RBM10: variants seen among roughly 807,000 people sequenced by gnomAD.
The protein encoded by RBM10 is RNA-binding protein 10.
In RBM10, 1 loss-of-function variant was observed where a neutral mutation model predicts 84.9. The ratio of observed to expected loss-of-function variants is 0.01; its 90% CI spans 0.00 to 0.06. The LOEUF (loss-of-function observed/expected upper bound fraction) is 0.06. RBM10 is among the 10% of genes least tolerant of loss of function. RBM10 has a pLI of 1.00. For synonymous variants in RBM10, 326 were observed against 344.5 expected, an observed-to-expected ratio of 0.95 and a Z score of 0.60; for missense variants, 438 against 839.0, an observed-to-expected ratio of 0.52 and a Z score of 5.90.
chrX:47,173,012 G>A, intron 4 of RBM10, 116 bp from the exon 5 acceptor site: 2 of 1,176,819 alleles, frequency 1.7e-6, no homozygotes, highest in Non-Finnish European at 1.1e-6. Context: ...AAGAGGCGGA[G>A]GAGACTGTGT....
chrX:47,175,653 C>T (rs1403115156), intron 6 of RBM10, among the ~76,000 whole-genome samples: 2 of 111,226 alleles, frequency 1.8e-5, no homozygotes, highest in Non-Finnish European at 3.8e-5. Context: ...TTATCGACAC[C>T]CTGGCCTCAC....
intron 2 of RBM10, chrX:47,157,953 T>C (rs1348733617): frequency 2.8e-5 from 6 of 217,412 alleles, no homozygotes; most frequent in Non-Finnish European, 2.5e-5. Context: ...TTTTTGTATT[T>C]TTAGTAGAGA....
chrX:47,176,374 G>T, intron 6 of RBM10, 126 bp from the exon 7 acceptor site: 4 of 1,125,950 alleles, frequency 3.6e-6, no homozygotes, highest in Non-Finnish European at 4.8e-6. Flanking sequence ...TCCGCTCTCC[G>T]ACCTCCCTCC....
chrX:47,159,587 G>T (rs782395735), intron 2 of RBM10, among the ~76,000 whole-genome samples: 1 of 111,259 alleles, frequency 9.0e-6, no homozygotes, highest in African/African-American at 3.3e-5. Flanking sequence ...ATACTGTAAG[G>T]CTACAGTAAT....
intron 23 of RBM10, 39 bp downstream of exon 23, chrX:47,186,426 C>G: frequency 8.3e-7 from 1 of 1,199,707 alleles, no homozygotes; most frequent in Non-Finnish European, 1.1e-6. Flanking sequence ...CCCAGCACCC[C>G]TCACAGCATC....
rs377092804 is a variant in RBM10 at position 47,171,279 on chromosome X, C to T, written c.432+21C>T. 233 of 1,206,784 alleles carry T rather than the reference C, an allele frequency of 1.9e-4. 1 individual carries two copies. In the African/African-American group the frequency reaches 3.7e-3, roughly 19 times the overall value. The stretch of plus-strand genomic sequence containing the variant: ...ATGACGTACGTGCCCCCCATGGCCC[C>T]GGGCAGGAGGCCAGGCTGGGTCTCC... On this transcript the variant is annotated intron_variant, in intron 4 of 23. Transcript: ENST00000377604.
At chrX:47,178,350 A>G (rs1386465879) in intron 7 of RBM10, among the ~76,000 whole-genome samples, 3 of 111,325 alleles carry the variant, frequency 2.7e-5, no homozygotes, top group Non-Finnish European at 5.7e-5. Flanking sequence ...TGGGCATCCC[A>G]GGTCAAACCT....
At chrX:47,176,347 C>T (rs1935149422) in intron 6 of RBM10, among the ~76,000 whole-genome samples, 153 bp from the exon 7 acceptor site, 1 of 112,217 alleles carries the variant, frequency 8.9e-6, no homozygotes, top group Admixed American at 9.4e-5. Context: ...CCCTCCCTAC[C>T]TCCCTTCTTC....
At chrX:47,179,722 G>A (rs937920170) in intron 9 of RBM10, 158 bp from the exon 10 acceptor site, 12 of 844,889 alleles carry the variant, frequency 1.4e-5, no homozygotes, top group Admixed American at 8.0e-5. Flanking sequence ...CACCTGGACC[G>A]CCAAGCAGAG....
intron 3 of RBM10, among the ~76,000 whole-genome samples, chrX:47,170,125 G>T (rs1556771824): frequency 8.8e-6 from 1 of 113,653 alleles, no homozygotes; most frequent in African/African-American, 3.2e-5. Context: ...GTCCATGCGA[G>T]CAGGCAGCTC....
intron 2 of RBM10, among the ~76,000 whole-genome samples, chrX:47,154,999 T>C (rs1416705610): frequency 9.4e-6 from 1 of 106,785 alleles, no homozygotes; most frequent in Non-Finnish European, 1.9e-5. Flanking sequence ...TACAAAAAAT[T>C]AGCTGGGTGT....
At chrX:47,159,864 G>A (rs1434396524) in intron 2 of RBM10, among the ~76,000 whole-genome samples, 3 of 112,309 alleles carry the variant, frequency 2.7e-5, no homozygotes, top group Non-Finnish European at 3.8e-5. Context: ...AAGGCCAGGC[G>A]CGGTGGCTCA....
chrX:47,157,579 C>T (rs1240465045), intron 2 of RBM10: 12 of 455,931 alleles, frequency 2.6e-5, no homozygotes, highest in Middle Eastern at 4.0e-4. Flanking sequence ...TTGGAGCGGT[C>T]GAGCAGGGTT....
rs181900691 is a variant in RBM10 at position 47,186,675 on chromosome X, G to C, written c.*76G>C. On this transcript the variant is annotated 3_prime_UTR_variant, in exon 24 of 24. Transcript: ENST00000377604. ...GGAAGGACAGAGTGTTGGATGGCTG[G>C]GACGGGGCCTTGCTCTTGTCGGCCA... The C allele has an allele frequency of 3.8e-4, 434 of 1,155,381 alleles. 2 individuals carry two copies. In the Admixed American group the frequency reaches 9.4e-3, roughly 25 times the overall value.
intron 2 of RBM10, among the ~76,000 whole-genome samples, chrX:47,166,244 A>G (rs1297998322): frequency 1.8e-5 from 2 of 110,258 alleles, no homozygotes; most frequent in Non-Finnish European, 3.8e-5. Flanking sequence ...CTGTATCTAC[A>G]AAAAATTTGA....
intron 3 of RBM10, among the ~76,000 whole-genome samples, chrX:47,170,234 C>A (rs1556771866): frequency 8.8e-6 from 1 of 113,517 alleles, no homozygotes; most frequent in African/African-American, 3.2e-5. Flanking sequence ...GGGCAAAAAC[C>A]CCTTTGGTGG....
At chrX:47,167,457 G>A (rs1419503470) in intron 2 of RBM10, among the ~76,000 whole-genome samples, 1 of 106,657 alleles carries the variant, frequency 9.4e-6, no homozygotes, top group African/African-American at 3.4e-5. Flanking sequence ...TCCGCCTCCC[G>A]GGTTCAAGCG....
In RBM10 at chrX:47,180,321, A is replaced by G. The variant is rs2147178075; in HGVS notation, c.1160+12A>G. On this transcript the variant is annotated intron_variant, in intron 11 of 23. Coordinates refer to ENST00000377604, the MANE Select transcript of RBM10 (RefSeq NM_005676.5). ...AAGGGTTCTAAGAGGTCAGGGCCCCACCTGTGTGCCTTCCCACCCTTCCCC... is the reference window on the plus strand; with the variant it reads ...AAGGGTTCTAAGAGGTCAGGGCCCCGCCTGTGTGCCTTCCCACCCTTCCCC... The G allele has an allele frequency of 8.5e-7, 1 of 1,183,399 alleles. No homozygotes were observed. The highest frequency in any genetic ancestry group is 1.1e-6 in the Non-Finnish European group (1 of 879,498).
intron 5 of RBM10, 64 bp downstream of exon 5, chrX:47,173,261 T>A: frequency 8.4e-7 from 1 of 1,187,176 alleles, no homozygotes; most frequent in Non-Finnish European, 1.1e-6. Context: ...ATCTCCCTCC[T>A]GCCTCTGCCT....
Sources: gnomAD v4.1 joint callset for allele counts (sites outside exome capture counted in the v4.1 genomes callset) on GRCh38, gnomAD v4.1.1 for gene constraint, MANE v1.5 for transcripts, NCBI Gene and HGNC (gene_info 2026-07-23, HGNC 2026-07-21) for gene names.